Variants in POU2F1 observed in about 807,000 individuals in gnomAD.
POU2F1 encodes the protein POU class 2 homeobox 1.
POU2F1 carries 16 observed loss-of-function variants against 84.9 expected under a neutral mutation model. The ratio of observed to expected loss-of-function variants is 0.19; its 90% CI spans 0.13 to 0.29. The LOEUF is 0.29. Ranked by LOEUF, POU2F1 falls within the 10% of genes least tolerant of loss-of-function variation. POU2F1 has a pLI of 1.00. For synonymous variants in POU2F1, 368 were observed against 368.3 expected (o/e 1.00, Z 0.01); for missense variants, 738 against 942.6 (o/e 0.78, Z 2.84).
chr1:167,227,205 A>G (rs1317700513), intron 1 of POU2F1, among the ~76,000 whole-genome samples: 1 of 152,218 alleles, frequency 6.6e-6, no homozygotes, highest in East Asian at 1.9e-4. Context: ...TAGTAGCTTT[A>G]CTAAGTCTTC....
chr1:167,410,899 A>C (rs1025808488), intron 13 of POU2F1, among the ~76,000 whole-genome samples: 2 of 152,146 alleles, frequency 1.3e-5, no homozygotes, highest in African/African-American at 2.4e-5. Flanking sequence ...CTGATCTCAA[A>C]CATTAAATAA....
At chr1:167,297,748 A>G (rs1654389537) in intron 1 of POU2F1, among the ~76,000 whole-genome samples, 1 of 152,162 alleles carries the variant, frequency 6.6e-6, no homozygotes, top group Non-Finnish European at 1.5e-5. Context: ...GTCACAACCA[A>G]CAGAAGCAAC....
chr1:167,398,786 A>G (rs1479689665), intron 11 of POU2F1, among the ~76,000 whole-genome samples: 2 of 145,370 alleles, frequency 1.4e-5, no homozygotes, highest in African/African-American at 5.1e-5. Flanking sequence ...TGATTGGGCA[A>G]ATCATGTGAT....
intron 1 of POU2F1, among the ~76,000 whole-genome samples, chr1:167,298,901 T>A (rs1021222205): frequency 2.6e-4 from 39 of 152,100 alleles, no homozygotes; most frequent in African/African-American, 8.4e-4. Flanking sequence ...CGGTGGCTCA[T>A]GCCTGTAATC....
chr1:167,372,135 A>G (rs909842725), intron 5 of POU2F1, 99 bp downstream of exon 5: 5 of 1,432,706 alleles, frequency 3.5e-6, no homozygotes, highest in Non-Finnish European at 3.8e-6. Context: ...TGGTAGTAAC[A>G]TGGCTATGCC....
In POU2F1 at chr1:167,344,516, T is replaced by TA. The variant is rs146818432; in HGVS notation, c.127+11983dup. 6.7e-3 allele frequency among the ~76,000 whole-genome samples: 1,022 copies of TA among 152,306 alleles called. 8 individuals are homozygous for TA. Among genetic ancestry groups the TA allele is most frequent in the African/African-American group, 0.023 (969 of 41,562 alleles). On this transcript the variant is annotated intron_variant, in intron 2 of 15. Transcript: ENST00000367866. Reference sequence around the variant, plus strand: ...GGCTATATATATGTATCATAGTGGTTAAGAGCTCAGACCCTGAAATCAAAC... The same window carrying TA: ...GGCTATATATATGTATCATAGTGGTTAAAGAGCTCAGACCCTGAAATCAAAC...
At chr1:167,368,496 CTG>C (rs369852019) in intron 3 of POU2F1, among the ~76,000 whole-genome samples, 264 of 152,216 alleles carry the variant, frequency 1.7e-3, no homozygotes, top group African/African-American at 6.1e-3. Flanking sequence ...ACTTTAAAGA[CTG>C]TGTAAATATC....
At position 167,299,095 on chromosome 1, in the gene POU2F1, G is replaced by A. The variant is rs551633804; in HGVS notation, c.62-33375G>A. Among the ~76,000 whole-genome samples the A allele has an allele frequency of 1.5e-3, 233 of 151,340 alleles. 3 individuals are homozygous for A. Among genetic ancestry groups the A allele is most frequent in the South Asian group, 5.2e-3 (25 of 4,776 alleles). On this transcript the variant is annotated intron_variant, in intron 1 of 15. Coordinates refer to ENST00000367866, the MANE Select transcript of POU2F1 (RefSeq NM_002697.4). ...GGAGAATCACTTGAACCTGGGAGGC[G>A]GAGGTTATGGTGAGCCGATATCGCA...
intron 7 of POU2F1, chr1:167,379,283 T>C (rs1427109185): frequency 3.3e-5 from 5 of 152,154 alleles, no homozygotes; most frequent in Non-Finnish European, 5.9e-5. Flanking sequence ...AATAAGAAAG[T>C]CTTCTGTCAA....
At chr1:167,356,907 G>A (rs1173411265) in intron 2 of POU2F1, among the ~76,000 whole-genome samples, 1 of 152,192 alleles carries the variant, frequency 6.6e-6, no homozygotes, top group Non-Finnish European at 1.5e-5. Context: ...TGTTTAGGAA[G>A]TTGTAGACAT....
chr1:167,233,455 A>G (rs903891273), intron 1 of POU2F1, among the ~76,000 whole-genome samples: 2 of 152,146 alleles, frequency 1.3e-5, no homozygotes, highest in African/African-American at 4.8e-5. Context: ...TTTTAAATAC[A>G]CAAATACTTA....
chr1:167,330,211 T>C (rs974764247), intron 1 of POU2F1, among the ~76,000 whole-genome samples: 4 of 152,182 alleles, frequency 2.6e-5, no homozygotes, highest in African/African-American at 9.6e-5. Flanking sequence ...TTTAAAACTT[T>C]TGCAAATGAC....
At position 167,316,797 on chromosome 1, in the gene POU2F1, G is replaced by A. The variant is rs182750280; in HGVS notation, c.62-15673G>A. Among the ~76,000 whole-genome samples the A allele has an allele frequency of 4.9e-3, 742 of 152,134 alleles. 2 individuals carry two copies. Among genetic ancestry groups the A allele is most frequent in the South Asian group, 0.015 (71 of 4,810 alleles). On this transcript the variant is annotated intron_variant, in intron 1 of 15. Transcript: ENST00000367866. ...GGATGGGAATAATCAAAGCTGCCTG[G>A]GTTTTAAACAAAACAAGGCTTATTT... is the stretch of plus-strand genomic sequence containing the variant.
intron 2 of POU2F1, among the ~76,000 whole-genome samples, chr1:167,334,542 TAA>T (rs890757407): frequency 6.6e-6 from 1 of 152,160 alleles, no homozygotes; most frequent in African/African-American, 2.4e-5. Context: ...TGCAATAAAA[TAA>T]AACTGAAAAT....
In POU2F1 at chr1:167,422,633, T is replaced by C. The variant is rs1178353077; in HGVS notation, c.*6823T>C. On this transcript the variant is annotated 3_prime_UTR_variant, in exon 16 of 16. Coordinates refer to ENST00000367866, the MANE Select transcript of POU2F1 (RefSeq NM_002697.4). ...AAAAATCACAAGCCCTTTCTGCCCA[T>C]ACTCTGGGACAAACTTTCTTGGCTC... 3.3e-5 allele frequency: 5 copies of C among 152,212 alleles called. No individual in the cohort carries two copies. The highest frequency in any genetic ancestry group is 1.2e-4 in the African/African-American group (5 of 41,452). The allele number at this position is 152,212 out of a possible 1,614,324, so 9.4% of individuals were successfully genotyped here.
At chr1:167,378,060 A>G (rs1005667198) in intron 7 of POU2F1, among the ~76,000 whole-genome samples, 4 of 152,172 alleles carry the variant, frequency 2.6e-5, no homozygotes, top group Non-Finnish European at 1.5e-5. Context: ...TCTTTTGGGT[A>G]TATACCCAAT....
chr1:167,414,576 A>T (rs1650183778), intron 15 of POU2F1: 3 of 985,360 alleles, frequency 3.0e-6, no homozygotes, highest in Non-Finnish European at 3.6e-6. Context: ...AGGTTGAGAT[A>T]CTAAATGAGA....
intron 1 of POU2F1, among the ~76,000 whole-genome samples, chr1:167,242,560 A>G (rs1196612450): frequency 6.6e-6 from 1 of 152,242 alleles, no homozygotes; most frequent in African/African-American, 2.4e-5. Context: ...TAGAATTGAC[A>G]AGATTTTGCC....
rs554288370 is a variant in POU2F1 at position 167,370,104 on chromosome 1, A to G, written c.229-57A>G. The G allele has an allele frequency of 4.6e-5, 65 of 1,422,614 alleles. No individual in the cohort carries two copies. In the South Asian group the frequency reaches 6.4e-4, roughly 14 times the overall value. 88.1% of individuals were successfully genotyped at this position (1,422,614 alleles called of 1,614,324 possible). The stretch of plus-strand genomic sequence containing the variant: ...TAGTAGACTTTATTTAGTGATGACA[A>G]CCCCTTGTGATGAATGTCAACAGTA... On this transcript the variant is annotated intron_variant, in intron 3 of 15. Transcript: ENST00000367866.
Sources: gnomAD v4.1 joint callset for allele counts (sites outside exome capture counted in the v4.1 genomes callset) on GRCh38, gnomAD v4.1.1 for gene constraint, MANE v1.5 for transcripts, NCBI Gene and HGNC (gene_info 2026-07-23, HGNC 2026-07-21) for gene names.